The following TEX9 variants were observed in gnomAD, a reference collection of about 807,000 sequenced individuals.
The protein encoded by TEX9 is testis-expressed protein 9.
TEX9 carries 74 observed loss-of-function variants against 59.6 expected under a neutral mutation model. That is an observed-to-expected ratio of 1.24 (90% CI 1.03 to 1.51). TEX9 has a LOEUF of 1.51. TEX9 is among the 40% of genes most tolerant of loss of function. TEX9 has a pLI of 0.00. For synonymous variants in TEX9, 186 were observed against 152.2 expected (o/e 1.22, Z -1.64); for missense variants, 522 against 447.8 (o/e 1.17, Z -1.49).
chr15:56,309,649 G>A (rs2045559413), intron 1 of TEX9, among the ~76,000 whole-genome samples: 1 of 135,840 alleles, frequency 7.4e-6, no homozygotes, highest in Non-Finnish European at 1.5e-5. Context: ...AAAGTTGAGT[G>A]GAATTTATTG....
intron 12 of TEX9, among the ~76,000 whole-genome samples, chr15:56,432,121 A>C (rs1380557617): frequency 6.6e-6 from 1 of 152,148 alleles, no homozygotes; most frequent in Non-Finnish European, 1.5e-5. Flanking sequence ...TATAAAGAGG[A>C]GATACAGGAA....
chr15:56,267,336 A>G (rs2044410629), intron 1 of TEX9, among the ~76,000 whole-genome samples: 1 of 152,160 alleles, frequency 6.6e-6, no homozygotes, highest in East Asian at 1.9e-4. Flanking sequence ...GTTTAATTAG[A>G]TCCCATTTGT....
intron 1 of TEX9, among the ~76,000 whole-genome samples, chr15:56,313,566 G>C (rs1203606739): frequency 1.5e-5 from 2 of 134,080 alleles, no homozygotes; most frequent in Non-Finnish European, 3.2e-5. Flanking sequence ...TTTTATTGAG[G>C]ATTTTTGCAT....
At chr15:56,317,156 T>C (rs2725847) in intron 1 of TEX9, among the ~76,000 whole-genome samples, 147,972 of 152,282 alleles carry the variant, frequency 0.97, 72,020 homozygotes, top group East Asian at 1. Flanking sequence ...TGTTCCTATT[T>C]GGCCATCTTG....
chr15:56,382,062 C>T (rs181617645), intron 3 of TEX9, among the ~76,000 whole-genome samples: 40 of 152,306 alleles, frequency 2.6e-4, no homozygotes, highest in Non-Finnish European at 2.2e-4. Flanking sequence ...AGCTGGTACT[C>T]GGACTACAAC....
chr15:56,456,379 G>A, the TEX9 span: 2 of 1,591,346 alleles, frequency 1.3e-6, no homozygotes, highest in African/African-American at 2.7e-5. Context: ...ATGAAATTTA[G>A]AGAAACCAAG....
intron 1 of TEX9, among the ~76,000 whole-genome samples, chr15:56,285,921 A>G (rs1223487353): frequency 6.6e-6 from 1 of 152,234 alleles, no homozygotes; most frequent in Admixed American, 6.5e-5. Context: ...AGAAGGAAAT[A>G]AAATCACCAT....
chr15:56,293,139 A>G (rs955873884), intron 1 of TEX9, among the ~76,000 whole-genome samples: 1 of 152,110 alleles, frequency 6.6e-6, no homozygotes, highest in Non-Finnish European at 1.5e-5. Flanking sequence ...GTTTGAAGCC[A>G]GTGTGGCCAA....
rs369320501 is a variant in TEX9 at position 56,278,657 on chromosome 15, G to T, written c.-107+34379G>T. The stretch of plus-strand genomic sequence containing the variant: ...CTCTCTTAAACACTATATTTATTCT[G>T]CCTTTTAGAAGCTTATTGCTGAACT... On this transcript the variant is annotated intron_variant, in intron 1 of 5. Transcript: ENST00000560827. Among the ~76,000 whole-genome samples, 6 of 152,040 alleles carry T rather than the reference G, an allele frequency of 3.9e-5. No individual in the cohort carries two copies. In the East Asian group the frequency reaches 5.8e-4, roughly 15 times the overall value.
rs1567092890 is a variant in TEX9, at chr15:56,344,388, ACTGTG to A, written c.-106-29050_-106-29046del. 2.0e-5 allele frequency among the ~76,000 whole-genome samples: 3 copies of A among 152,328 alleles called. No homozygotes were observed. In the East Asian group the frequency reaches 5.8e-4, roughly 29 times the overall value. On this transcript the variant is annotated intron_variant, in intron 1 of 5. Coordinates refer to the TEX9 transcript ENST00000560827. ...TACGACAAAGGTGAACCTTGAAAAC[ACTGTG>A]CTAAATGAAAGAAGCCAATCACAAA...
chr15:56,287,475 A>T (rs1396981639), intron 1 of TEX9, among the ~76,000 whole-genome samples: 1 of 152,226 alleles, frequency 6.6e-6, no homozygotes, highest in East Asian at 1.9e-4. Flanking sequence ...TGTATACATC[A>T]TAGAATGGCC....
upstream of TEX9, among the ~76,000 whole-genome samples, chr15:56,362,166 A>T (rs1310089218): frequency 6.6e-6 from 1 of 152,206 alleles, no homozygotes; most frequent in African/African-American, 2.4e-5. Context: ...TGTCAATTAG[A>T]TCAAGCTAAT....
chr15:56,320,855 C>T (rs537624053), intron 1 of TEX9, among the ~76,000 whole-genome samples: 1 of 152,282 alleles, frequency 6.6e-6, no homozygotes, highest in African/African-American at 2.4e-5. Flanking sequence ...TTTTCCTTTG[C>T]CCCTTTGGAC....
intron 1 of TEX9, among the ~76,000 whole-genome samples, chr15:56,281,493 A>G (rs551640910): frequency 1.3e-5 from 2 of 152,336 alleles, no homozygotes; most frequent in East Asian, 3.9e-4. Context: ...CTCCTTATGA[A>G]TCTAATTTTT....
At chr15:56,355,599 A>G (rs544084339) in intron 1 of TEX9, among the ~76,000 whole-genome samples, 1 of 152,152 alleles carries the variant, frequency 6.6e-6, no homozygotes, top group East Asian at 1.9e-4. Context: ...TAGTCATTCT[A>G]TTGTCTTTCC....
At chr15:56,443,727 C>G (rs1451114911) in intron 12 of TEX9, 8 of 1,613,102 alleles carry the variant, frequency 5.0e-6, no homozygotes, top group Non-Finnish European at 6.8e-6. Context: ...TTAGCAAACT[C>G]TATGATTTTT....
chr15:56,306,758 A>G (rs1161421155), intron 1 of TEX9, among the ~76,000 whole-genome samples: 1 of 152,180 alleles, frequency 6.6e-6, no homozygotes, highest in Non-Finnish European at 1.5e-5. Context: ...TATAATTGGA[A>G]TGTTTGTAAC....
chr15:56,409,649 T>G (rs1286266407), intron 9 of TEX9: 1 of 150,950 alleles, frequency 6.6e-6, no homozygotes. Flanking sequence ...CACATACATA[T>G]GCCACAATGT....
exon 2 of TEX9, chr15:56,365,601 C>T: frequency 6.2e-7 from 1 of 1,614,184 alleles, no homozygotes; most frequent in Non-Finnish European, 8.5e-7. Context: ...CCAGGGACTC[C>T]GTTCCCGCCA....
Sources: allele counts gnomAD v4.1 joint callset (sites outside exome capture counted in the v4.1 genomes callset), GRCh38; gene constraint gnomAD v4.1.1; transcripts MANE v1.5; gene names NCBI Gene and HGNC (gene_info 2026-07-23, HGNC 2026-07-21).